The following MECOM variants were observed in gnomAD, a reference collection of about 807,000 sequenced individuals.
MECOM encodes histone-lysine N-methyltransferase MECOM.
MECOM carries 13 observed loss-of-function variants against 116.3 expected under a neutral mutation model. The ratio of observed to expected loss-of-function variants is 0.11; its 90% CI spans 0.07 to 0.18. The LOEUF (loss-of-function observed/expected upper bound fraction) is 0.18, where lower values mean the gene tolerates loss of function less well. Among genes scored for constraint, MECOM ranks in the 10% least tolerant of loss-of-function variants. The pLI is 1.00. For synonymous variants in MECOM, 528 were observed against 535.2 expected, an observed-to-expected ratio of 0.99 and a Z score of 0.19; for missense variants, 1,299 against 1,509.0, an observed-to-expected ratio of 0.86 and a Z score of 2.31.
At chr3:169,581,735 T>C (rs180784907) in intron 1 of MECOM, among the ~76,000 whole-genome samples, 6 of 152,346 alleles carry the variant, frequency 3.9e-5, no homozygotes, top group African/African-American at 1.2e-4. Flanking sequence ...AGCTATGCGA[T>C]GTGTTAGAGA....
intron 2 of MECOM, among the ~76,000 whole-genome samples, chr3:169,160,265 G>C (rs1387839564): frequency 5.3e-5 from 8 of 151,314 alleles, no homozygotes; most frequent in Non-Finnish European, 8.8e-5. Flanking sequence ...TCCGAATGGG[G>C]AAAAACATTT....
intron 2 of MECOM, among the ~76,000 whole-genome samples, chr3:169,372,000 G>C (rs1035576264): frequency 6.6e-5 from 10 of 151,996 alleles, no homozygotes; most frequent in Non-Finnish European, 8.8e-5. Context: ...CACATTTTAG[G>C]ATTACATTGT....
chr3:169,512,162 C>G (rs1048639727), intron 1 of MECOM, among the ~76,000 whole-genome samples: 36 of 152,190 alleles, frequency 2.4e-4, no homozygotes, highest in Non-Finnish European at 2.8e-4. Context: ...ACAGCTTGTG[C>G]AACTGAGTTC....
intron 1 of MECOM, among the ~76,000 whole-genome samples, chr3:169,396,921 A>G (rs1735111291): frequency 6.6e-6 from 1 of 152,132 alleles, no homozygotes; most frequent in African/African-American, 2.4e-5. Flanking sequence ...TGCAGTGAGC[A>G]GAGATCAAGG....
At chr3:169,284,778 A>C (rs1241968006) in intron 2 of MECOM, among the ~76,000 whole-genome samples, 1 of 152,232 alleles carries the variant, frequency 6.6e-6, no homozygotes, top group Non-Finnish European at 1.5e-5. Flanking sequence ...TGAATGACAC[A>C]GTGAAATAAT....
At chr3:169,405,592 T>C (rs777638306) in intron 1 of MECOM, among the ~76,000 whole-genome samples, 5 of 152,170 alleles carry the variant, frequency 3.3e-5, no homozygotes, top group Non-Finnish European at 7.4e-5. Context: ...AATAGTACCA[T>C]ACAAGTCTAT....
chr3:169,299,807 C>T (rs1716358698), intron 2 of MECOM, among the ~76,000 whole-genome samples: 1 of 152,192 alleles, frequency 6.6e-6, no homozygotes, highest in Non-Finnish European at 1.5e-5. Context: ...TATTTGGTCT[C>T]CTGCTCTTTG....
At chr3:169,504,469 A>G (rs1010778916) in intron 1 of MECOM, among the ~76,000 whole-genome samples, 1 of 152,158 alleles carries the variant, frequency 6.6e-6, no homozygotes, top group African/African-American at 2.4e-5. Context: ...TCTTTTTAAT[A>G]TCTTGAAAGT....
At chr3:169,418,293 G>A (rs931691975) in intron 1 of MECOM, among the ~76,000 whole-genome samples, 1 of 152,076 alleles carries the variant, frequency 6.6e-6, no homozygotes, top group Non-Finnish European at 1.5e-5. Flanking sequence ...GGACCAGACA[G>A]ATTCACAGCT....
chr3:169,276,989 A>G (rs1169147093), intron 2 of MECOM, among the ~76,000 whole-genome samples: 2 of 144,702 alleles, frequency 1.4e-5, no homozygotes, highest in African/African-American at 5.6e-5. Context: ...ACATGAGCTA[A>G]TTTATGTTAC....
chr3:169,224,971 A>T (rs944946767), intron 2 of MECOM, among the ~76,000 whole-genome samples: 2 of 152,178 alleles, frequency 1.3e-5, no homozygotes, highest in African/African-American at 4.8e-5. Context: ...AATCTTTTTT[A>T]AAAAAATTCA....
At chr3:169,346,303 C>A (rs1279441881) in intron 2 of MECOM, among the ~76,000 whole-genome samples, 2 of 152,078 alleles carry the variant, frequency 1.3e-5, no homozygotes, top group African/African-American at 4.8e-5. Context: ...TTATGAACTG[C>A]ATATTTTCAA....
At chr3:169,511,100 G>T (rs1422891273) in intron 1 of MECOM, among the ~76,000 whole-genome samples, 1 of 151,980 alleles carries the variant, frequency 6.6e-6, no homozygotes, top group Non-Finnish European at 1.5e-5. Flanking sequence ...TTTATATTAG[G>T]GTCAATGAGC....
At chr3:169,272,718 GC>G (rs1759103337) in intron 2 of MECOM, among the ~76,000 whole-genome samples, 2 of 152,184 alleles carry the variant, frequency 1.3e-5, no homozygotes, top group South Asian at 4.2e-4. Context: ...CACCTGGCCG[GC>G]CCCTGTGACC....
At position 169,431,510 on chromosome 3, in the gene MECOM, C is replaced by T. The variant is rs149337646; in HGVS notation, c.38-49986G>A. ...AAATAAAGGTCCCTTGACCTGTTGC[C>T]AAATGGTACCACAAGAAAAAAAAGC... On this transcript the variant is annotated intron_variant, in intron 1 of 16. Coordinates refer to ENST00000651503, the MANE Select transcript of MECOM (RefSeq NM_004991.4). Among the ~76,000 whole-genome samples the T allele has an allele frequency of 8.9e-4, 136 of 152,202 alleles. 3 individuals carry two copies. The East Asian group carries it at 0.024, about 27-fold the overall frequency.
chr3:169,503,991 T>C (rs61386466), intron 1 of MECOM, among the ~76,000 whole-genome samples: 1,669 of 152,232 alleles, frequency 0.011, 25 homozygotes, highest in African/African-American at 0.038. Context: ...GAATCTCTAC[T>C]CTACTTTTGG....
chr3:169,254,917 C>G (rs771776291), intron 2 of MECOM, among the ~76,000 whole-genome samples: 12 of 152,082 alleles, frequency 7.9e-5, no homozygotes, highest in Non-Finnish European at 1.5e-4. Flanking sequence ...AAACAGGATC[C>G]ATGAAGGCTC....
At chr3:169,088,755 A>T (rs1483482572) in intron 16 of MECOM, among the ~76,000 whole-genome samples, 1 of 152,208 alleles carries the variant, frequency 6.6e-6, no homozygotes, top group Admixed American at 6.5e-5. Context: ...AGGAAAGATA[A>T]GTGTAGGATG....
chr3:169,523,832 T>C (rs966903378), intron 1 of MECOM, among the ~76,000 whole-genome samples: 2 of 151,390 alleles, frequency 1.3e-5, no homozygotes, highest in African/African-American at 4.8e-5. Context: ...CACATATATA[T>C]ATGCATATAC....
Sources: gnomAD v4.1 joint callset for allele counts (sites outside exome capture counted in the v4.1 genomes callset) on GRCh38, gnomAD v4.1.1 for gene constraint, MANE v1.5 for transcripts, NCBI Gene and HGNC (gene_info 2026-07-23, HGNC 2026-07-21) for gene names.